FRS2: variants seen among roughly 807,000 people sequenced by gnomAD.
FRS2 encodes the protein fibroblast growth factor receptor substrate 2, also known as FGFR signalling adaptor.
A neutral mutation model predicts 43.9 loss-of-function variants in FRS2; 8 were observed. The observed-to-expected ratio is 0.18, with a 90% CI of 0.11 to 0.33. The LOEUF is 0.33. Ranked by LOEUF, FRS2 falls within the 10% of genes least tolerant of loss-of-function variation. The pLI is 1.00. For synonymous variants in FRS2, 219 were observed against 220.3 expected (o/e 0.99, Z 0.05); for missense variants, 534 against 627.6 (o/e 0.85, Z 1.59).
intron 1 of FRS2, among the ~76,000 whole-genome samples, chr12:69,504,775 C>T (rs1178460144): frequency 6.6e-6 from 1 of 152,150 alleles, no homozygotes; most frequent in African/African-American, 2.4e-5. Flanking sequence ...AATAAATGGA[C>T]AACTATTTCC....
At chr12:69,562,768 C>T (rs1879975595) in intron 4 of FRS2, among the ~76,000 whole-genome samples, 1 of 152,066 alleles carries the variant, frequency 6.6e-6, no homozygotes, top group African/African-American at 2.4e-5. Context: ...TAGCTCACTG[C>T]AGCCTCGACC....
At chr12:69,534,905 A>G (rs912557056) in intron 3 of FRS2, among the ~76,000 whole-genome samples, 1 of 152,146 alleles carries the variant, frequency 6.6e-6, no homozygotes, top group Admixed American at 6.5e-5. Context: ...TGATAGATAC[A>G]TATTTTTATT....
Position 69,575,102 on chromosome 12 carries a change from G to A in FRS2, c.*147G>A. The A allele has an allele frequency of 3.3e-6, 2 of 601,628 alleles. No individual in the cohort carries two copies. The highest frequency in any genetic ancestry group is 5.9e-6 in the Non-Finnish European group (2 of 339,140). 37.3% of individuals were successfully genotyped at this position (601,628 alleles called of 1,614,324 possible). On this transcript the variant is annotated 3_prime_UTR_variant, in exon 9 of 9. Transcript: ENST00000549921. ...ATTTCATGTGCATCTTTAACTAAAG[G>A]GAATTAATGTAGAGCAGGTACTCCT... is the stretch of plus-strand genomic sequence containing the variant.
At chr12:69,471,239 T>G (rs1870258586) in intron 1 of FRS2, among the ~76,000 whole-genome samples, 1 of 151,076 alleles carries the variant, frequency 6.6e-6, no homozygotes, top group African/African-American at 2.4e-5. Context: ...AGACACCCCC[T>G]CCCCCGCCTT....
chr12:69,479,666 G>T (rs186223511), intron 1 of FRS2, among the ~76,000 whole-genome samples: 108 of 152,128 alleles, frequency 7.1e-4, no homozygotes, highest in African/African-American at 2.5e-3. Context: ...AAAATGCTGG[G>T]ATTACAGGTG....
intron 4 of FRS2, among the ~76,000 whole-genome samples, chr12:69,568,506 A>G (rs1347400716): frequency 2.0e-5 from 3 of 146,844 alleles, no homozygotes; most frequent in African/African-American, 8.0e-5. Flanking sequence ...TGGGCAACAT[A>G]ATGTCTGCCT....
chr12:69,537,512 TA>T (rs1332831083), intron 3 of FRS2, among the ~76,000 whole-genome samples: 4 of 152,316 alleles, frequency 2.6e-5, no homozygotes, highest in African/African-American at 9.6e-5. Context: ...ATTATTCCAG[TA>T]CTTTGACTGC....
At chr12:69,540,152 C>T (rs1877748766) in intron 3 of FRS2, among the ~76,000 whole-genome samples, 2 of 151,372 alleles carry the variant, frequency 1.3e-5, no homozygotes, top group African/African-American at 4.9e-5. Flanking sequence ...ACTAGGGAGG[C>T]TGAGGCAGAG....
intron 1 of FRS2, among the ~76,000 whole-genome samples, chr12:69,527,149 T>G (rs1592993078): frequency 1.3e-5 from 2 of 152,100 alleles, no homozygotes; most frequent in African/African-American, 4.8e-5. Flanking sequence ...CCAATTATTG[T>G]GCTTTGCTCT....
chr12:69,553,917 T>C (rs1263082930), intron 3 of FRS2, among the ~76,000 whole-genome samples: 1 of 152,208 alleles, frequency 6.6e-6, no homozygotes, highest in Middle Eastern at 3.2e-3. Context: ...CATGAATTCA[T>C]AGTATTGGGG....
intron 3 of FRS2, among the ~76,000 whole-genome samples, chr12:69,553,629 CACATCTG>C (rs1879097122): frequency 6.6e-6 from 1 of 151,940 alleles, no homozygotes; most frequent in Non-Finnish European, 1.5e-5. Flanking sequence ...GCATCTGTTA[CACATCTG>C]AAATAGGATT....
At chr12:69,568,561 CTCTCTCTCTCTCTG>C (rs1020070559) in intron 4 of FRS2, among the ~76,000 whole-genome samples, 9 of 152,042 alleles carry the variant, frequency 5.9e-5, no homozygotes, top group South Asian at 2.1e-4. Flanking sequence ...GGCTGTCTCT[CTCTCTCTCTCTCTG>C]TCTCTCTCTC....
At chr12:69,550,632 T>C (rs866953421) in intron 3 of FRS2, among the ~76,000 whole-genome samples, 1 of 152,372 alleles carries the variant, frequency 6.6e-6, no homozygotes, top group South Asian at 2.1e-4. Context: ...TCATTTTAAA[T>C]TCTAATGTAG....
At position 69,572,240 on chromosome 12, in the gene FRS2, G is replaced by A. The variant is rs748325522; in HGVS notation, c.535G>A (p.Gly179Arg). ...SVGSARLPSV[G>R]EESTHPLLVA... ...GGGAAGTGCTCGCCTGCCTTCAGTA[G>A]GGGAAGAATCTACACATCCTTTGCT... The change falls in exon 8 of 9, where the codon GGG (glycine) becomes AGG (arginine). Residue 179 changes from glycine (G) to arginine (R), a missense_variant. Around this residue, in one of 3 missense-constraint regions of FRS2, gnomAD observed 446 missense variants for 494.2 expected, o/e 0.90. Transcript: ENST00000549921. 18 of 1,613,198 alleles carry A rather than the reference G, an allele frequency of 1.1e-5. No individual in the cohort carries two copies. The highest frequency in any genetic ancestry group is 1.5e-5 in the Non-Finnish European group (18 of 1,179,554).
rs542405365 is a variant in FRS2 at position 69,525,911 on chromosome 12, A to C, written c.-260-4954A>C. Among the ~76,000 whole-genome samples, 15 of 152,234 alleles carry C rather than the reference A, an allele frequency of 9.9e-5. No homozygotes were observed. The South Asian group carries it at 3.1e-3, about 32-fold the overall frequency. On this transcript the variant is annotated intron_variant, in intron 1 of 8. Transcript: ENST00000549921. The stretch of plus-strand genomic sequence containing the variant: ...GCTCTTGTTGCCCAGGCTAGAGTGC[A>C]GTGGTGTAATCTTGACTCACTGCAA...
At chr12:69,483,594 A>G (rs938994567) in intron 1 of FRS2, among the ~76,000 whole-genome samples, 1 of 151,970 alleles carries the variant, frequency 6.6e-6, no homozygotes, top group Non-Finnish European at 1.5e-5. Context: ...GTATATACTC[A>G]ATTTTGTTTG....
chr12:69,571,311 T>C lies in FRS2; in HGVS notation c.289T>C (p.Leu97=). 6.2e-7 allele frequency: 1 copy of C among 1,610,144 alleles called. No individual in the cohort carries two copies. Among genetic ancestry groups the C allele is most frequent in the Non-Finnish European group, 8.5e-7 (1 of 1,177,572 alleles). Residue 97 remains leucine, a synonymous_variant, in exon 7 of 9, where the codon TTA becomes CTA. Transcript: ENST00000549921. ...CTTTAAGTGTGCCCGTGCAGAAGAA[T>C]TATTTAACATGTTGCAAGAGATTAT... ...FAFKCARAEE[L]FNMLQEIMQN...
intron 1 of FRS2, among the ~76,000 whole-genome samples, chr12:69,528,717 T>A (rs1399883876): frequency 6.6e-6 from 1 of 152,226 alleles, no homozygotes; most frequent in Non-Finnish European, 1.5e-5. Flanking sequence ...ATTTATAATT[T>A]ACTATTCTTT....
Position 69,574,854 on chromosome 12 carries a change from A to C in FRS2, c.1426A>C (p.Ile476Leu). The change falls in exon 9 of 9, where the codon ATC (isoleucine) becomes CTC (leucine). Residue 476 changes from isoleucine to leucine, a missense_variant. Physicochemically the swap from Ile to Leu is conservative, Grantham distance 5 (BLOSUM62 2). This residue lies in a region of FRS2 where 446 missense variants were observed against 494.2 expected (regional missense o/e 0.90). Transcript: ENST00000549921. The part of the protein sequence containing the change: ...RRTELYAVID[I>L]ERTAAMSNLQ... ...CACAGAGCTGTATGCCGTGATAGAC[A>C]TCGAGAGAACTGCTGCTATGTCAAA... 4 of 1,614,020 alleles carry C rather than the reference A, an allele frequency of 2.5e-6. 1 individual carries two copies. In the South Asian group the frequency reaches 4.4e-5, roughly 18 times the overall value.
Sources: gnomAD v4.1 joint callset for allele counts (sites outside exome capture counted in the v4.1 genomes callset) on GRCh38, gnomAD v4.1.1 for gene constraint, gnomAD v4.1.1 regional missense constraint, MANE v1.5 for transcripts, NCBI Gene and HGNC (gene_info 2026-07-23, HGNC 2026-07-21) for gene names.